Variants in NPAS3 observed in about 807,000 individuals in gnomAD.
The protein encoded by NPAS3 is neuronal PAS domain protein 3, also known as neuronal PAS domain-containing protein 3.
Under a neutral mutation model 73.1 loss-of-function variants are expected in NPAS3, and 14 were observed. That is an observed-to-expected ratio of 0.19 (90% CI 0.13 to 0.30). The LOEUF (loss-of-function observed/expected upper bound fraction) is 0.30. Ranked by LOEUF, NPAS3 falls within the 10% of genes least tolerant of loss-of-function variation. The pLI is 1.00. For synonymous variants in NPAS3, 620 were observed against 541.5 expected, an observed-to-expected ratio of 1.14 and a Z score of -2.01; for missense variants, 1,096 against 1,250.0, an observed-to-expected ratio of 0.88 and a Z score of 1.86.
At chr14:33,041,017 C>A (rs2040332080) in intron 1 of NPAS3, among the ~76,000 whole-genome samples, 1 of 152,038 alleles carries the variant, frequency 6.6e-6, no homozygotes. Context: ...TACTACGTGG[C>A]AGAACTAAAA....
intron 4 of NPAS3, among the ~76,000 whole-genome samples, chr14:33,440,063 C>G (rs867995014): frequency 2.6e-5 from 4 of 151,518 alleles, no homozygotes; most frequent in Non-Finnish European, 5.9e-5. Context: ...TTGCAGTTAG[C>G]CCAGATCGTG....
At chr14:33,567,344 C>T (rs1028760887) in intron 5 of NPAS3, among the ~76,000 whole-genome samples, 2 of 152,232 alleles carry the variant, frequency 1.3e-5, no homozygotes, top group African/African-American at 2.4e-5. Flanking sequence ...AAACCCAACA[C>T]TCATTCCAGA....
intron 6 of NPAS3, 143 bp downstream of exon 6, chr14:33,676,528 T>C: frequency 1.8e-6 from 1 of 548,136 alleles, no homozygotes. Context: ...ATGCAGTAAT[T>C]AAATAAGGAA....
chr14:33,622,475 A>T (rs77725545), intron 5 of NPAS3, among the ~76,000 whole-genome samples: 10,254 of 152,294 alleles, frequency 0.067, 454 homozygotes, highest in South Asian at 0.13. Context: ...ATCAATTGAT[A>T]ATGAACCTGA....
At chr14:32,999,517 A>T (rs531310059) in intron 1 of NPAS3, among the ~76,000 whole-genome samples, 2 of 152,320 alleles carry the variant, frequency 1.3e-5, no homozygotes, top group African/African-American at 2.4e-5. Context: ...TCTCAAAAAA[A>T]AAAAATAAAA....
intron 5 of NPAS3, among the ~76,000 whole-genome samples, chr14:33,645,081 CA>C (rs33988299): frequency 0.29 from 31,353 of 106,296 alleles, 3,322 homozygotes; most frequent in Middle Eastern, 0.35. Context: ...AACTCCATCT[CA>C]AAAAAAAAAA....
intron 2 of NPAS3, among the ~76,000 whole-genome samples, chr14:33,072,312 C>A (rs551151705): frequency 6.6e-6 from 1 of 152,240 alleles, no homozygotes; most frequent in Non-Finnish European, 1.5e-5. Context: ...TGGAAAAGGA[C>A]GTGATTTAAA....
chr14:33,689,889 T>C (rs2060187185), intron 6 of NPAS3, among the ~76,000 whole-genome samples: 1 of 152,186 alleles, frequency 6.6e-6, no homozygotes, highest in Non-Finnish European at 1.5e-5. Context: ...GCTTGGAGGC[T>C]GGCCAGCTCC....
intron 3 of NPAS3, among the ~76,000 whole-genome samples, chr14:33,342,538 C>G (rs1409760331): frequency 6.6e-6 from 1 of 152,236 alleles, no homozygotes; most frequent in Non-Finnish European, 1.5e-5. Context: ...TTTCTCTGCT[C>G]TGCAGCAGGT....
chr14:32,937,598 A>G (rs2035737881), upstream of NPAS3, among the ~76,000 whole-genome samples: 1 of 152,230 alleles, frequency 6.6e-6, no homozygotes, highest in Non-Finnish European at 1.5e-5. Flanking sequence ...CATGCAGATT[A>G]AACACCTCTA....
intron 4 of NPAS3, among the ~76,000 whole-genome samples, chr14:33,520,273 G>A (rs1293698475): frequency 1.3e-5 from 2 of 152,110 alleles, no homozygotes; most frequent in Non-Finnish European, 2.9e-5. Flanking sequence ...TTTCAGTGGT[G>A]TGTGGGGTGA....
chr14:33,301,636 G>T (rs12886732), intron 3 of NPAS3, among the ~76,000 whole-genome samples: 120,606 of 151,792 alleles, frequency 0.79, 48,640 homozygotes, highest in African/African-American at 0.93. Flanking sequence ...CTGAAAAAGT[G>T]TATATGCTTT....
intron 2 of NPAS3, among the ~76,000 whole-genome samples, chr14:33,180,633 A>G (rs1430409975): frequency 6.6e-6 from 1 of 151,832 alleles, no homozygotes; most frequent in East Asian, 1.9e-4. Context: ...CCCCATCTGT[A>G]TTAAAAATAC....
intron 2 of NPAS3, among the ~76,000 whole-genome samples, chr14:33,102,772 TGCACTTACAGATTTTTCTAAGATAG>T (rs1396766575): frequency 6.6e-6 from 1 of 152,204 alleles, no homozygotes; most frequent in Non-Finnish European, 1.5e-5. Flanking sequence ...GCAGTTGTCA[TGCACTTACAGATTTTTCTAAGATAG>T]GCTCCAATTT....
intron 3 of NPAS3, among the ~76,000 whole-genome samples, chr14:33,349,916 A>G (rs1002585650): frequency 1.9e-4 from 29 of 152,166 alleles, no homozygotes; most frequent in African/African-American, 6.3e-4. Flanking sequence ...TAGCAGGAGA[A>G]GGGCGTCTCC....
chr14:33,186,102 C>T (rs1354538717), intron 2 of NPAS3, among the ~76,000 whole-genome samples: 1 of 152,082 alleles, frequency 6.6e-6, no homozygotes, highest in Non-Finnish European at 1.5e-5. Flanking sequence ...GTAGACTCCC[C>T]CCCACCCACA....
chr14:33,478,238 C>T (rs1365576713), intron 4 of NPAS3, among the ~76,000 whole-genome samples: 1 of 152,134 alleles, frequency 6.6e-6, no homozygotes, highest in Non-Finnish European at 1.5e-5. Context: ...AACATTAAAT[C>T]AACCTTAATA....
chr14:33,687,290 TGA>T (rs1383141971), intron 6 of NPAS3, among the ~76,000 whole-genome samples: 1 of 152,214 alleles, frequency 6.6e-6, no homozygotes, highest in Non-Finnish European at 1.5e-5. Flanking sequence ...CTATTGATCA[TGA>T]GCTATTAATA....
At chr14:33,505,935 C>T (rs1379200260) in intron 4 of NPAS3, among the ~76,000 whole-genome samples, 1 of 151,962 alleles carries the variant, frequency 6.6e-6, no homozygotes, top group Non-Finnish European at 1.5e-5. Flanking sequence ...TTCTTCAGGA[C>T]TTTTACATCG....
Sources: gnomAD v4.1 joint callset for allele counts (sites outside exome capture counted in the v4.1 genomes callset) on GRCh38, gnomAD v4.1.1 for gene constraint, MANE v1.5 for transcripts, NCBI Gene and HGNC (gene_info 2026-07-23, HGNC 2026-07-21) for gene names.